Variants in SLC8A3 observed in about 807,000 individuals in gnomAD.
SLC8A3 encodes the protein solute carrier family 8 member A3.
A neutral mutation model predicts 65.4 loss-of-function variants in SLC8A3; 37 were observed. That is an observed-to-expected ratio of 0.57 (90% CI 0.44 to 0.74). SLC8A3 has a LOEUF of 0.74. Among genes scored for constraint, SLC8A3 ranks in the 30% least tolerant of loss-of-function variants. The probability of loss-of-function intolerance (pLI) is 0.00; values close to 1 mark genes in which losing one functional copy is unlikely to be tolerated. For synonymous variants in SLC8A3, 461 were observed against 444.5 expected (o/e 1.04, Z -0.47); for missense variants, 1,112 against 1,172.1 (o/e 0.95, Z 0.75).
chr14:70,141,497 TC>T (rs1482181297), intron 2 of SLC8A3, among the ~76,000 whole-genome samples: 1 of 152,198 alleles, frequency 6.6e-6, no homozygotes, highest in Non-Finnish European at 1.5e-5. Context: ...GAGATTTACA[TC>T]CTCTGGCTTT....
chr14:70,045,977 T>A lies in SLC8A3; in HGVS notation c.2736A>T (p.Leu912=). ...LWLLYILFAT[L]EAYCYIKGF is the part of the protein sequence containing the mutation. ...ACCCCTTGATGTAGCAATAGGCCTC[T>A]AGTGTGGCAAAGAGTATGTAGAGGA... is the stretch of plus-strand genomic sequence containing the variant. The change falls in exon 7 of 7, where the codon CTA becomes CTT. Residue 912 remains leucine (L), a synonymous_variant. Transcript: ENST00000356921. 6.2e-7 allele frequency: 1 copy of A among 1,604,952 alleles called. No individual in the cohort carries two copies. The highest frequency in any genetic ancestry group is 8.5e-7 in the Non-Finnish European group (1 of 1,173,754).
rs1460651058 is a variant in SLC8A3, at chr14:70,046,495, C to T, written c.2390-172G>A. 7.9e-6 allele frequency: 5 copies of T among 630,106 alleles called. No homozygotes were observed. Among genetic ancestry groups the T allele is most frequent in the East Asian group, 2.8e-5 (1 of 36,282 alleles). 39.0% of individuals were successfully genotyped at this position (630,106 alleles called of 1,614,324 possible). On this transcript the variant is annotated intron_variant, in intron 6 of 6. Transcript: ENST00000356921. This position sits in a 1 kb window ranked among gnomAD's most constrained non-coding sequence, Gnocchi z 4.2. ...TTCTGCCGCAAGCAAGCCGTGTGGCCCTGGGTAGGTCACATCCCTAGTCTG... is the reference window on the plus strand; with the variant it reads ...TTCTGCCGCAAGCAAGCCGTGTGGCTCTGGGTAGGTCACATCCCTAGTCTG...
intron 1 of SLC8A3, among the ~76,000 whole-genome samples, chr14:70,178,260 T>G (rs2140422115): frequency 6.6e-6 from 1 of 152,332 alleles, no homozygotes; most frequent in Non-Finnish European, 1.5e-5. Flanking sequence ...AATCAAGGCC[T>G]TAGAGTGTTC....
chr14:70,149,198 A>G (rs1896111895), intron 2 of SLC8A3, among the ~76,000 whole-genome samples: 1 of 152,246 alleles, frequency 6.6e-6, no homozygotes, highest in East Asian at 1.9e-4. Flanking sequence ...TGCCTTGCTT[A>G]GGTAAAATGA....
intron 1 of SLC8A3, among the ~76,000 whole-genome samples, chr14:70,180,711 T>C (rs779540371): frequency 6.6e-6 from 1 of 152,170 alleles, no homozygotes; most frequent in African/African-American, 2.4e-5. Context: ...GGGGGCTCTA[T>C]GAAAGGCAGA....
chr14:70,112,158 T>A (rs1410092903), intron 2 of SLC8A3, among the ~76,000 whole-genome samples: 1 of 152,180 alleles, frequency 6.6e-6, no homozygotes, highest in Non-Finnish European at 1.5e-5. Flanking sequence ...AGACTGAGTC[T>A]CGCCATTAGG....
Position 70,167,899 on chromosome 14 carries a change from G to C in SLC8A3, c.524C>G (p.Ala175Gly), listed in dbSNP as rs1477934991. The change falls in exon 2 of 7, where the codon GCC becomes GGC. Residue 175 changes from alanine to glycine, a missense_variant. Physicochemically the swap from Ala to Gly is moderately conservative, Grantham distance 60. Transcript: ENST00000356921. Reference sequence around the variant, plus strand: ...GCCAATGATGATGAACATGTTGAAGGCTGCACTCCCTACAATGGTAGAAGG... The same window carrying C: ...GCCAATGATGATGAACATGTTGAAGCCTGCACTCCCTACAATGGTAGAAGG... ...LGPSTIVGSA[A>G]FNMFIIIGIC... is the part of the protein sequence containing the mutation. 4 of 1,614,106 alleles carry C rather than the reference G, an allele frequency of 2.5e-6. No individual in the cohort carries two copies. Among genetic ancestry groups the C allele is most frequent in the East Asian group, 2.2e-5 (1 of 44,886 alleles).
intron 2 of SLC8A3, among the ~76,000 whole-genome samples, chr14:70,135,874 T>C (rs988890773): frequency 6.6e-6 from 1 of 152,184 alleles, no homozygotes; most frequent in South Asian, 2.1e-4. Flanking sequence ...TAATCTATTG[T>C]ATATTTCAAA....
chr14:70,072,416 T>G (rs61977419), intron 2 of SLC8A3, among the ~76,000 whole-genome samples: 11,564 of 144,966 alleles, frequency 0.08, 520 homozygotes, highest in Non-Finnish European at 0.12. Context: ...TAGACATTAT[T>G]CTTTTAAAGT....
intron 2 of SLC8A3, among the ~76,000 whole-genome samples, chr14:70,121,900 C>G (rs1385191315): frequency 1.3e-5 from 2 of 152,036 alleles, no homozygotes; most frequent in Non-Finnish European, 2.9e-5. Flanking sequence ...TGGGAATGGT[C>G]CCACAGCCTC....
At chr14:70,089,328 C>T (rs769486746) in intron 2 of SLC8A3, among the ~76,000 whole-genome samples, 47 of 152,102 alleles carry the variant, frequency 3.1e-4, no homozygotes, top group Non-Finnish European at 6.0e-4. Flanking sequence ...ATTGAAATTA[C>T]TTGTTTATAA....
rs1172542488 is a variant in SLC8A3, at chr14:70,144,321, T to G, written c.1784+22318A>C. ...CGAAAACTTCCTGTTTTTTTTTTTT[T>G]TTTTTTTTTTAAAAAAAAAAAAAAA... On this transcript the variant is annotated intron_variant, in intron 2 of 6. Transcript: ENST00000356921. 1.2e-3 allele frequency among the ~76,000 whole-genome samples: 172 copies of G among 142,996 alleles called. 1 individual carries two copies. The highest frequency in any genetic ancestry group is 3.7e-3 in the African/African-American group (142 of 38,704). 93.8% of individuals were successfully genotyped at this position (142,996 alleles called of 152,430 possible).
intron 2 of SLC8A3, among the ~76,000 whole-genome samples, chr14:70,133,846 C>T (rs1440105180): frequency 1.3e-5 from 2 of 152,152 alleles, no homozygotes; most frequent in African/African-American, 4.8e-5. Flanking sequence ...CATGTTGGGT[C>T]AATGGTGGGT....
chr14:70,057,872 C>A (rs957244699), intron 3 of SLC8A3, among the ~76,000 whole-genome samples: 2 of 151,964 alleles, frequency 1.3e-5, no homozygotes, highest in African/African-American at 4.8e-5. Context: ...GAGGACCAAA[C>A]AGGCCCCATT....
At chr14:70,121,589 C>T (rs1894059036) in intron 2 of SLC8A3, among the ~76,000 whole-genome samples, 1 of 152,128 alleles carries the variant, frequency 6.6e-6, no homozygotes, top group South Asian at 2.1e-4. Flanking sequence ...AAATGCAAAA[C>T]TAGTCATGTA....
intron 2 of SLC8A3, among the ~76,000 whole-genome samples, chr14:70,162,860 C>T (rs1896966694): frequency 6.6e-6 from 1 of 152,150 alleles, no homozygotes; most frequent in Non-Finnish European, 1.5e-5. Context: ...ATGTACCTAT[C>T]CCCACTTCAC....
chr14:70,137,278 G>A (rs976051360), intron 2 of SLC8A3, among the ~76,000 whole-genome samples: 19 of 151,646 alleles, frequency 1.3e-4, no homozygotes, highest in African/African-American at 2.2e-4. Context: ...CTGGCCTCCC[G>A]AGCAGCTGGA....
At chr14:70,164,585 G>A (rs923083845) in intron 2 of SLC8A3, among the ~76,000 whole-genome samples, 1 of 152,218 alleles carries the variant, frequency 6.6e-6, no homozygotes, top group South Asian at 2.1e-4. Flanking sequence ...TTTGAGGAAG[G>A]TTTAGTCGTA....
Position 70,157,593 on chromosome 14 carries a change from G to T in SLC8A3, c.1784+9046C>A, listed in dbSNP as rs76669115. ...GGACTTTGGGGTACCATTGCAAGCT[G>T]CAAATAATAAAGAAGCCCATAGAGA... On this transcript the variant is annotated intron_variant, in intron 2 of 6. Transcript: ENST00000356921. 1.2e-3 allele frequency among the ~76,000 whole-genome samples: 187 copies of T among 152,318 alleles called. 1 individual carries two copies. Among genetic ancestry groups the T allele is most frequent in the African/African-American group, 4.3e-3 (179 of 41,570 alleles).
Sources: allele counts gnomAD v4.1 joint callset (sites outside exome capture counted in the v4.1 genomes callset), GRCh38; gene constraint gnomAD v4.1.1; non-coding constraint Gnocchi (gnomAD v3.1); transcripts MANE v1.5; gene names NCBI Gene and HGNC (gene_info 2026-07-23, HGNC 2026-07-21).